VTI1A: variants seen among roughly 807,000 people sequenced by gnomAD.
VTI1A encodes the protein vesicle transport through interaction with t-SNAREs 1A.
A neutral mutation model predicts 34.9 loss-of-function variants in VTI1A; 22 were observed. That is an observed-to-expected ratio of 0.63 (90% confidence interval 0.45 to 0.90). The LOEUF (loss-of-function observed/expected upper bound fraction) is 0.90. Among genes scored for constraint, VTI1A ranks in the 40% least tolerant of loss-of-function variants. The pLI, the probability that VTI1A is intolerant of heterozygous loss-of-function variation, is 0.00. For synonymous variants in VTI1A, 87 were observed against 97.3 expected (o/e 0.89, Z 0.62); for missense variants, 268 against 275.6 (o/e 0.97, Z 0.20).
chr10:112,828,618 G>C, the VTI1A span, among the ~76,000 whole-genome samples: 5 of 151,820 alleles, frequency 3.3e-5, no homozygotes, highest in Non-Finnish European at 7.4e-5. Context: ...TGTTAGCCAG[G>C]ATGGTCTCGA....
rs908114000 is a variant in VTI1A, at chr10:112,744,543, C to G, written c.561-70747C>G. 2.7e-5 allele frequency among the ~76,000 whole-genome samples: 4 copies of G among 149,574 alleles called. No homozygotes were observed. In the South Asian group the frequency reaches 8.4e-4, roughly 31 times the overall value. On this transcript the variant is annotated intron_variant, in intron 7 of 7. Transcript: ENST00000393077. The stretch of plus-strand genomic sequence containing the variant: ...CACTGTAGCCTTGGCCTCTCAGGCT[C>G]AAGCGATCTTCCCACCTCAGCCTCC...
At chr10:112,687,218 A>ATTTTTTT (rs1564883856) in intron 7 of VTI1A, among the ~76,000 whole-genome samples, 5 of 124,236 alleles carry the variant, frequency 4.0e-5, no homozygotes, top group African/African-American at 1.6e-4. Flanking sequence ...GCATACTACA[A>ATTTTTTT]CTTTTTTTTT....
intron 5 of VTI1A, among the ~76,000 whole-genome samples, chr10:112,633,553 G>GGA (rs1846225747): frequency 6.6e-6 from 1 of 152,178 alleles, no homozygotes; most frequent in Non-Finnish European, 1.5e-5. Context: ...CAACACAGCA[G>GGA]GATACCCAGG....
chr10:112,671,044 T>A (rs544442361), intron 7 of VTI1A, among the ~76,000 whole-genome samples: 12 of 152,350 alleles, frequency 7.9e-5, no homozygotes, highest in African/African-American at 2.4e-4. Flanking sequence ...TGATATACAA[T>A]GTATTTTGGA....
chr10:112,474,753 G>A (rs1300597646), intron 3 of VTI1A, among the ~76,000 whole-genome samples: 1 of 152,156 alleles, frequency 6.6e-6, no homozygotes, highest in African/African-American at 2.4e-5. Flanking sequence ...CACCATGCCT[G>A]GCCTGCATTC....
At chr10:112,502,004 C>A (rs1285792641) in intron 3 of VTI1A, among the ~76,000 whole-genome samples, 1 of 150,628 alleles carries the variant, frequency 6.6e-6, no homozygotes, top group Non-Finnish European at 1.5e-5. Context: ...TCTCTCTGCC[C>A]ATGTTCCCTA....
At chr10:112,540,727 T>C (rs1412891281) in intron 5 of VTI1A, among the ~76,000 whole-genome samples, 2 of 152,232 alleles carry the variant, frequency 1.3e-5, no homozygotes. Flanking sequence ...TGTCAATCCA[T>C]AGCTCTGTGT....
intron 3 of VTI1A, among the ~76,000 whole-genome samples, chr10:112,484,361 T>C (rs949190050): frequency 6.6e-6 from 1 of 152,264 alleles, no homozygotes; most frequent in Non-Finnish European, 1.5e-5. Flanking sequence ...ATCTATTCTA[T>C]ATCTAGTTTA....
At chr10:112,737,486 A>G (rs1850529270) in intron 7 of VTI1A, 2 of 1,050,268 alleles carry the variant, frequency 1.9e-6, no homozygotes, top group Non-Finnish European at 2.3e-6. Flanking sequence ...TCTCTTCCGC[A>G]TCTTCTGTTC....
At chr10:112,593,398 T>C (rs1374343886) in intron 5 of VTI1A, among the ~76,000 whole-genome samples, 1 of 152,158 alleles carries the variant, frequency 6.6e-6, no homozygotes, top group Non-Finnish European at 1.5e-5. Context: ...GAAATCCCCT[T>C]CCTCAGGGAG....
At chr10:112,657,766 G>A (rs1039768143) in intron 5 of VTI1A, among the ~76,000 whole-genome samples, 2 of 151,996 alleles carry the variant, frequency 1.3e-5, no homozygotes, top group African/African-American at 4.8e-5. Flanking sequence ...TAGACTTTAT[G>A]AAAGTTAAAA....
intron 4 of VTI1A, among the ~76,000 whole-genome samples, chr10:112,534,085 G>C (rs989733415): frequency 6.6e-6 from 1 of 152,052 alleles, no homozygotes; most frequent in Non-Finnish European, 1.5e-5. Flanking sequence ...AGATACCTAA[G>C]AATAGCCAAA....
In VTI1A at chr10:112,742,215, T is replaced by C. The variant is rs564900642; in HGVS notation, c.561-73075T>C. 2.6e-5 allele frequency among the ~76,000 whole-genome samples: 4 copies of C among 152,368 alleles called. No individual in the cohort carries two copies. In the South Asian group the frequency reaches 8.3e-4, roughly 32 times the overall value. ...AGGCTAACTGGCACGTTAAGTTGAT[T>C]ACACAATTTCCTCTAAATAAGTTGA... On this transcript the variant is annotated intron_variant, in intron 7 of 7. Coordinates refer to ENST00000393077, the MANE Select transcript of VTI1A (RefSeq NM_145206.4).
At chr10:112,493,402 G>A (rs1848906558) in intron 3 of VTI1A, among the ~76,000 whole-genome samples, 1 of 151,992 alleles carries the variant, frequency 6.6e-6, no homozygotes, top group Non-Finnish European at 1.5e-5. Flanking sequence ...CATGTCATCT[G>A]TGAATAAAGA....
rs759385324 is a variant in VTI1A at position 112,815,131 on chromosome 10, T to TCG, written c.561-151_561-150dup. On this transcript the variant is annotated intron_variant, in intron 7 of 7. Coordinates refer to ENST00000393077, the MANE Select transcript of VTI1A (RefSeq NM_145206.4). Reference sequence around the variant, plus strand: ...ACCAGAAAGCTGCGTGATGTCTCTTTCGCGCGCGCACACACACACACACAC... The same window carrying TCG: ...ACCAGAAAGCTGCGTGATGTCTCTTTCGCGCGCGCGCACACACACACACACAC... Among the ~76,000 whole-genome samples the TCG allele has an allele frequency of 7.8e-3, 1,015 of 130,354 alleles. 8 individuals carry two copies. The highest frequency in any genetic ancestry group is 0.012 in the Non-Finnish European group (751 of 63,260). 85.5% of individuals were successfully genotyped at this position (130,354 alleles called of 152,430 possible). A position where few individuals can be genotyped will look rare whatever the true frequency, so the allele number is the denominator to read the frequency against.
intron 3 of VTI1A, among the ~76,000 whole-genome samples, chr10:112,479,677 C>G (rs1303160315): frequency 6.6e-6 from 1 of 152,180 alleles, no homozygotes; most frequent in East Asian, 1.9e-4. Context: ...TAACTCATCC[C>G]ATTCAACTTC....
intron 5 of VTI1A, among the ~76,000 whole-genome samples, chr10:112,602,763 A>G (rs1384707844): frequency 6.6e-6 from 1 of 152,238 alleles, no homozygotes; most frequent in East Asian, 1.9e-4. Context: ...GTAAAACAGC[A>G]GAGTTCAAGC....
intron 7 of VTI1A, among the ~76,000 whole-genome samples, chr10:112,693,488 A>C (rs1848676325): frequency 6.6e-6 from 1 of 152,202 alleles, no homozygotes; most frequent in South Asian, 2.1e-4. Context: ...CGGAGATTGC[A>C]GTGATCTGAG....
At chr10:112,456,174 A>G (rs1847517556) in intron 1 of VTI1A, among the ~76,000 whole-genome samples, 1 of 152,154 alleles carries the variant, frequency 6.6e-6, no homozygotes, top group South Asian at 2.1e-4. Flanking sequence ...TAATCCCAGC[A>G]CTTTGGGAGG....
Sources: allele counts gnomAD v4.1 joint callset (sites outside exome capture counted in the v4.1 genomes callset), GRCh38; gene constraint gnomAD v4.1.1; transcripts MANE v1.5; gene names NCBI Gene and HGNC (gene_info 2026-07-23, HGNC 2026-07-21).